PARP6: variants seen among roughly 807,000 people sequenced by gnomAD.
PARP6 encodes poly(ADP-ribose) polymerase family member 6.
In PARP6, 27 loss-of-function variants were observed where a neutral mutation model predicts 92.0. The ratio of observed to expected loss-of-function variants is 0.29; its 90% confidence interval spans 0.22 to 0.40. PARP6 has a LOEUF of 0.40. PARP6 is among the 10% of genes least tolerant of loss of function. The pLI is 1.00. For synonymous variants in PARP6, 272 were observed against 281.2 expected (o/e 0.97, Z 0.33); for missense variants, 501 against 784.5 (o/e 0.64, Z 4.32).
Position 72,260,094 on chromosome 15 carries a change from G to A in PARP6, c.756+384C>T, listed in dbSNP as rs140292397. ...CCCAGCACTTTGGGAGGTGAAGGAA[G>A]GCGGATCACTTGAGCTCAGGAGTTC... On this transcript the variant is annotated intron_variant, in intron 10 of 23. Coordinates refer to ENST00000569795, the MANE Select transcript of PARP6 (RefSeq NM_001323532.2). Among the ~76,000 whole-genome samples, 269 of 152,304 alleles carry A rather than the reference G, an allele frequency of 1.8e-3. 1 individual carries two copies. The highest frequency in any genetic ancestry group is 6.0e-3 in the African/African-American group (250 of 41,566).
intron 2 of PARP6, among the ~76,000 whole-genome samples, 188 bp from the exon 3 acceptor site, chr15:72,267,859 C>T (rs61075450): frequency 6.6e-4 from 101 of 152,162 alleles, no homozygotes; most frequent in African/African-American, 2.4e-3. Flanking sequence ...TCAAGTAATT[C>T]TCATGCCTCA....
intron 11 of PARP6, 97 bp from the exon 12 acceptor site, chr15:72,258,229 C>G: frequency 1.2e-6 from 1 of 850,394 alleles, no homozygotes; most frequent in Non-Finnish European, 2.0e-6. Flanking sequence ...CTCCATCCTC[C>G]CAGCCCCGTG....
chr15:72,261,475 T>C (rs1048079674), intron 9 of PARP6, 83 bp downstream of exon 9: 13 of 1,210,216 alleles, frequency 1.1e-5, no homozygotes, highest in Admixed American at 8.0e-5. Context: ...AGAGAGGGGA[T>C]AGAAACATTT....
chr15:72,262,122 T>G (rs1334355422), intron 8 of PARP6, among the ~76,000 whole-genome samples: 2 of 152,212 alleles, frequency 1.3e-5, no homozygotes, highest in African/African-American at 4.8e-5. Flanking sequence ...GTACTGACAT[T>G]GTTAGGAGAA....
In PARP6 at chr15:72,260,576, G is replaced by C; in HGVS notation, c.658C>G (p.Pro220Ala). 6.2e-7 allele frequency: 1 copy of C among 1,614,126 alleles called. No individual in the cohort carries two copies. The highest frequency in any genetic ancestry group is 1.3e-5 in the African/African-American group (1 of 75,020). The stretch of plus-strand genomic sequence containing the variant: ...GGGTAGCCAAACACTTCCACTTTGG[G>C]GTTCTTCATGGTACAGGAGATGGAA... ...NRSISCTMKN[P>A]KVEVFGYPPS... The change falls in exon 10 of 24, where the codon CCC becomes GCC. Residue 220 changes from proline to alanine, a missense_variant. Coordinates refer to ENST00000569795, the MANE Select transcript of PARP6 (RefSeq NM_001323532.2).
chr15:72,248,982 C>T (rs534649412), intron 20 of PARP6: 12 of 302,964 alleles, frequency 4.0e-5, no homozygotes, highest in African/African-American at 2.1e-4. Flanking sequence ...TGTTATGTCC[C>T]TGTTATTCCT....
intron 4 of PARP6, 107 bp from the exon 5 acceptor site, chr15:72,266,098 C>G (rs2086557786): frequency 1.2e-6 from 1 of 810,660 alleles, no homozygotes; most frequent in Non-Finnish European, 2.1e-6. Flanking sequence ...AGAAATCAGA[C>G]AGCAGTATAG....
At chr15:72,268,037 C>G (rs2086835351) in intron 2 of PARP6, among the ~76,000 whole-genome samples, 1 of 152,226 alleles carries the variant, frequency 6.6e-6, no homozygotes, top group African/African-American at 2.4e-5. Context: ...CAGGCGTGAG[C>G]CATTGCACCT....
At chr15:72,252,855 T>C (rs1024173926) in intron 16 of PARP6, among the ~76,000 whole-genome samples, 7 of 152,106 alleles carry the variant, frequency 4.6e-5, no homozygotes, top group Non-Finnish European at 7.3e-5. Flanking sequence ...ACAAAACCTA[T>C]TGCGAAACAT....
intron 14 of PARP6, 71 bp from the exon 15 acceptor site, chr15:72,254,591 G>C: frequency 8.2e-7 from 1 of 1,222,890 alleles, no homozygotes; most frequent in South Asian, 1.2e-5. Flanking sequence ...TGATGAAAAG[G>C]GGCTAGATGT....
chr15:72,253,069 C>G (rs2084589897), intron 16 of PARP6, among the ~76,000 whole-genome samples: 1 of 150,810 alleles, frequency 6.6e-6, no homozygotes, highest in African/African-American at 2.4e-5. Flanking sequence ...GTCCCAGCTA[C>G]TGGGGAGGCT....
At chr15:72,250,315 A>G in intron 18 of PARP6, 1 of 473,282 alleles carries the variant, frequency 2.1e-6, no homozygotes, top group East Asian at 3.4e-5. Context: ...TCGGTGCTTC[A>G]GCTACTCCCA....
chr15:72,270,440 T>C (rs1373746632), intron 2 of PARP6, among the ~76,000 whole-genome samples: 2 of 151,614 alleles, frequency 1.3e-5, no homozygotes, highest in East Asian at 4.3e-4. Context: ...AATCAGAAGC[T>C]ACTCTAATGG....
chr15:72,248,698 C>T (rs535530131), intron 20 of PARP6, among the ~76,000 whole-genome samples: 3 of 152,316 alleles, frequency 2.0e-5, no homozygotes, highest in African/African-American at 7.2e-5. Flanking sequence ...CTTTTCTGAG[C>T]TTGACTCATC....
intron 14 of PARP6, among the ~76,000 whole-genome samples, chr15:72,256,174 G>A (rs767042306): frequency 3.9e-5 from 6 of 152,116 alleles, no homozygotes; most frequent in East Asian, 1.9e-4. Context: ...GTTTAGAAAC[G>A]TTAAGTGACT....
chr15:72,270,598 A>G (rs188103980), intron 2 of PARP6, among the ~76,000 whole-genome samples: 1 of 152,286 alleles, frequency 6.6e-6, no homozygotes, highest in East Asian at 1.9e-4. Context: ...TTCCCGCCAT[A>G]GAGCCTTTGT....
At chr15:72,266,118 A>G in intron 4 of PARP6, 127 bp from the exon 5 acceptor site, 1 of 705,462 alleles carries the variant, frequency 1.4e-6, no homozygotes. Context: ...GGGGAAGTAA[A>G]AGCCACTTAT....
At chr15:72,269,899 C>CAAAAAAA (rs59023007) in intron 2 of PARP6, among the ~76,000 whole-genome samples, 1 of 100,224 alleles carries the variant, frequency 1.0e-5, no homozygotes, top group African/African-American at 3.6e-5. Context: ...AACTCTGTCT[C>CAAAAAAA]AAAAAAAAAA....
chr15:72,241,895 A>G lies in PARP6; in HGVS notation c.1790+6T>C, dbSNP rs2083100137. On this transcript the variant is annotated splice_donor_region_variant and intron_variant, in intron 23 of 23. Coordinates refer to ENST00000569795, the MANE Select transcript of PARP6 (RefSeq NM_001323532.2). This position sits in a 1 kb window ranked among gnomAD's most constrained non-coding sequence, Gnocchi z 4.1. Reference sequence around the variant, plus strand: ...GAGTAATCCCCAGAGTCCCTCCGACACTTACACAAAGAAGAATCTTGTGCA... The same window carrying G: ...GAGTAATCCCCAGAGTCCCTCCGACGCTTACACAAAGAAGAATCTTGTGCA... 1 of 1,605,442 alleles carries G rather than the reference A, an allele frequency of 6.2e-7. No individual in the cohort carries two copies. The highest frequency in any genetic ancestry group is 1.3e-5 in the African/African-American group (1 of 74,776).
Sources: gnomAD v4.1 joint callset for allele counts (sites outside exome capture counted in the v4.1 genomes callset) on GRCh38, gnomAD v4.1.1 for gene constraint, Gnocchi (gnomAD v3.1) non-coding constraint, MANE v1.5 for transcripts, NCBI Gene and HGNC (gene_info 2026-07-23, HGNC 2026-07-21) for gene names.